Variants in C5 observed in about 807,000 individuals in gnomAD.
C5 encodes C3 and PZP-like alpha-2-macroglobulin domain-containing protein 4.
In C5, 140 loss-of-function variants were observed where a neutral mutation model predicts 218.8. That is an observed-to-expected ratio of 0.64 (90% CI 0.56 to 0.74). The LOEUF is 0.74. Ranked by LOEUF, C5 falls within the 30% of genes least tolerant of loss-of-function variation. The pLI is 0.00. For synonymous variants in C5, 614 were observed against 682.3 expected, an observed-to-expected ratio of 0.90 and a Z score of 1.56; for missense variants, 1,700 against 1,969.6, an observed-to-expected ratio of 0.86 and a Z score of 2.59.
chr9:120,996,150 A>G, intron 22 of C5, 90 bp downstream of exon 22: 1 of 1,023,322 alleles, frequency 9.8e-7, no homozygotes, highest in South Asian at 1.3e-5. Flanking sequence ...TAGACAATTC[A>G]CTTTCTGAAA....
chr9:120,971,171 C>G (rs911764314), intron 31 of C5, among the ~76,000 whole-genome samples: 2 of 57,952 alleles, frequency 3.5e-5, no homozygotes, highest in East Asian at 5.6e-4. Context: ...GACTCCATCT[C>G]AAAAAAAAAA....
intron 26 of C5, 27 bp from the exon 27 acceptor site, chr9:120,981,966 G>C: frequency 6.8e-7 from 1 of 1,476,332 alleles, no homozygotes; most frequent in Non-Finnish European, 9.5e-7. Context: ...TTTTAAAAGG[G>C]GAGTGAAATG....
intron 20 of C5, chr9:120,999,913 G>T: frequency 2.2e-6 from 1 of 451,134 alleles, no homozygotes; most frequent in South Asian, 1.6e-5. Context: ...TGTCAAGTTG[G>T]CTGGGCATGG....
intron 23 of C5, among the ~76,000 whole-genome samples, chr9:120,990,929 G>A (rs2047072353): frequency 6.6e-6 from 1 of 152,102 alleles, no homozygotes; most frequent in South Asian, 2.1e-4. Flanking sequence ...CCATTTTAGA[G>A]ACATCTTTGA....
At chr9:121,067,813 A>C in the C5 span, among the ~76,000 whole-genome samples, 1 of 152,026 alleles carries the variant, frequency 6.6e-6, no homozygotes, top group African/African-American at 2.4e-5. Flanking sequence ...GCTTCAAAAG[A>C]TGTGCCTTGC....
chr9:120,972,570 T>C (rs1382385246), intron 30 of C5, among the ~76,000 whole-genome samples: 1 of 152,200 alleles, frequency 6.6e-6, no homozygotes, highest in Non-Finnish European at 1.5e-5. Context: ...CACTCAAGCC[T>C]GCCAAATCCT....
intron 20 of C5, chr9:120,999,752 C>T (rs1205399205): frequency 1.5e-5 from 4 of 273,618 alleles, no homozygotes; most frequent in Non-Finnish European, 2.9e-5. Flanking sequence ...AAGTGTAACC[C>T]ACACTCAGGA....
Position 121,017,358 on chromosome 9 carries a change from T to C in C5, c.1866+4A>G, listed in dbSNP as rs778209978. The C allele has an allele frequency of 4.3e-6, 7 of 1,613,620 alleles. No individual in the cohort carries two copies. The East Asian group carries it at 1.6e-4, about 36-fold the overall frequency. ...ACACTGCAGCGAGACATGCATTACT[T>C]AACTCTTTCCAAGGGCTTTTTGGCT... is the stretch of plus-strand genomic sequence containing the variant. On this transcript the variant is annotated splice_donor_region_variant and intron_variant, in intron 14 of 40. Transcript: ENST00000223642.
intron 9 of C5, 37 bp downstream of exon 9, chr9:121,025,417 T>TACAC (rs748041485): frequency 3.5e-4 from 66 of 191,154 alleles, no homozygotes; most frequent in South Asian, 1.2e-3. Context: ...CAAAAGAAAG[T>TACAC]ATACACACAC....
intron 22 of C5, among the ~76,000 whole-genome samples, chr9:120,993,219 A>G (rs2047090005): frequency 6.6e-6 from 1 of 152,204 alleles, no homozygotes; most frequent in South Asian, 2.1e-4. Context: ...AACCATTCTG[A>G]AGGGCAATAT....
Position 121,030,482 on chromosome 9 carries a change from G to A in C5, c.673C>T (p.Pro225Ser), listed in dbSNP as rs1177087181. Residue 225 changes from proline (P) to serine (S), a missense_variant, in exon 7 of 41, where the codon CCA becomes TCA. Transcript: ENST00000223642. The stretch of plus-strand genomic sequence containing the variant: ...GGCTCGATTGAGACAGAAAAATGTG[G>A]CAAGACTGAAAATAAAAACAAACAG... ...AYFEVKEYVLPHFSVSIEPEY... is the reference protein window; with the variant it reads ...AYFEVKEYVLSHFSVSIEPEY... The A allele has an allele frequency of 1.3e-6, 2 of 1,541,188 alleles. No individual in the cohort carries two copies. The highest frequency in any genetic ancestry group is 1.2e-5 in the South Asian group (1 of 82,680).
chr9:121,013,752 A>T, intron 17 of C5, 121 bp downstream of exon 17: 1 of 936,364 alleles, frequency 1.1e-6, no homozygotes, highest in Non-Finnish European at 1.7e-6. Flanking sequence ...ATGGACATTT[A>T]CAAGTTATCT....
chr9:121,021,413 G>T, intron 11 of C5, 96 bp downstream of exon 11: 1 of 931,378 alleles, frequency 1.1e-6, no homozygotes, highest in Non-Finnish European at 1.8e-6. Context: ...CTGGACTCAT[G>T]TGTAAAATCT....
chr9:121,027,957 T>C (rs1160955326), intron 7 of C5, among the ~76,000 whole-genome samples: 4 of 152,172 alleles, frequency 2.6e-5, no homozygotes, highest in Non-Finnish European at 4.4e-5. Flanking sequence ...GACAAAGGGC[T>C]AATATCCAGA....
intron 20 of C5, among the ~76,000 whole-genome samples, chr9:121,004,731 C>G (rs949439183): frequency 1.3e-5 from 2 of 151,944 alleles, no homozygotes; most frequent in African/African-American, 4.8e-5. Flanking sequence ...GGAGATCGCA[C>G]CACTGCACTC....
intron 17 of C5, among the ~76,000 whole-genome samples, chr9:121,010,550 C>T (rs759926626): frequency 2.4e-4 from 37 of 151,972 alleles, no homozygotes; most frequent in Non-Finnish European, 3.8e-4. Flanking sequence ...ATTGTTAAAA[C>T]GCCTTAATAC....
At chr9:121,034,476 C>A (rs2047505861) in intron 5 of C5, among the ~76,000 whole-genome samples, 1 of 152,158 alleles carries the variant, frequency 6.6e-6, no homozygotes, top group Non-Finnish European at 1.5e-5. Context: ...GCAACCAGAG[C>A]AAGGAACAAG....
At chr9:121,074,366 C>G in the C5 span, among the ~76,000 whole-genome samples, 1 of 152,198 alleles carries the variant, frequency 6.6e-6, no homozygotes, top group Non-Finnish European at 1.5e-5. Flanking sequence ...TGCTTTAACT[C>G]CCTTGTAGCA....
At chr9:120,953,591 T>G in intron 40 of C5, 139 bp downstream of exon 40, 1 of 906,606 alleles carries the variant, frequency 1.1e-6, no homozygotes, top group South Asian at 1.4e-5. Flanking sequence ...AATCATTCTT[T>G]GCTTGACATT....
Sources: gnomAD v4.1 joint callset for allele counts (sites outside exome capture counted in the v4.1 genomes callset) on GRCh38, gnomAD v4.1.1 for gene constraint, MANE v1.5 for transcripts, NCBI Gene and HGNC (gene_info 2026-07-23, HGNC 2026-07-21) for gene names.